ASCC3: variants seen among roughly 807,000 people sequenced by gnomAD.
ASCC3 encodes the protein ASC-1 complex subunit P200.
Under a neutral mutation model 256.3 loss-of-function variants are expected in ASCC3, and 158 were observed. The ratio of observed to expected loss-of-function variants is 0.62; its 90% CI spans 0.54 to 0.70. ASCC3 has a LOEUF of 0.70. Ranked by LOEUF, ASCC3 falls within the 30% of genes least tolerant of loss-of-function variation. ASCC3 has a pLI of 0.00. For synonymous variants in ASCC3, 948 were observed against 883.4 expected, an observed-to-expected ratio of 1.07 and a Z score of -1.30; for missense variants, 2,259 against 2,626.0, an observed-to-expected ratio of 0.86 and a Z score of 3.05.
At chr6:100,700,613 G>A (rs1477447882) in intron 13 of ASCC3, among the ~76,000 whole-genome samples, 1 of 152,226 alleles carries the variant, frequency 6.6e-6, no homozygotes. Context: ...AGCCACAGGG[G>A]TGGAGCTGCT....
At chr6:100,541,383 GA>G (rs1434352440) in intron 36 of ASCC3, among the ~76,000 whole-genome samples, 3 of 151,834 alleles carry the variant, frequency 2.0e-5, no homozygotes, top group Non-Finnish European at 4.4e-5. Context: ...CTGATATATA[GA>G]AAACAAACTA....
At position 100,718,348 on chromosome 6, in the gene ASCC3, G is replaced by C; in HGVS notation, c.1903-97C>G. 4.0e-6 allele frequency: 4 copies of C among 1,006,446 alleles called. No individual in the cohort carries two copies. The South Asian group carries it at 5.1e-5, about 13-fold the overall frequency. 62.3% of individuals were successfully genotyped at this position (1,006,446 alleles called of 1,614,324 possible). Reference sequence around the variant, plus strand: ...ATTAATAGGACTTCTAAAAACTCTAGACAGAGATGAGTGTAGAGGTCAATT... The same window carrying C: ...ATTAATAGGACTTCTAAAAACTCTACACAGAGATGAGTGTAGAGGTCAATT... On this transcript the variant is annotated intron_variant, in intron 11 of 41. Transcript: ENST00000369162.
At chr6:100,756,316 A>G (rs1002908409) in intron 10 of ASCC3, among the ~76,000 whole-genome samples, 2 of 151,968 alleles carry the variant, frequency 1.3e-5, no homozygotes, top group East Asian at 3.9e-4. Context: ...TCTTCCTTAG[A>G]GGTAATGTAT....
intron 8 of ASCC3, among the ~76,000 whole-genome samples, chr6:100,788,236 A>T (rs1036643525): frequency 6.6e-6 from 1 of 152,012 alleles, no homozygotes; most frequent in Non-Finnish European, 1.5e-5. Flanking sequence ...ATTAGTCATT[A>T]AGGAAATGCA....
chr6:100,737,601 TACC>T lies in ASCC3; in HGVS notation c.1738-11901_1738-11899del, dbSNP rs537011331. On this transcript the variant is annotated intron_variant, in intron 10 of 41. Transcript: ENST00000369162. ...TGCACAGTATTCCATGGTGTACAGA[TACC>T]ACATTTTCTTTATCCAGTCTATCAT... is the stretch of plus-strand genomic sequence containing the variant. Among the ~76,000 whole-genome samples the T allele has an allele frequency of 5.3e-5, 8 of 152,334 alleles. No homozygotes were observed. The East Asian group carries it at 1.2e-3, about 22-fold the overall frequency.
At chr6:100,831,685 C>G (rs762722419) in intron 4 of ASCC3, among the ~76,000 whole-genome samples, 1 of 152,046 alleles carries the variant, frequency 6.6e-6, no homozygotes, top group Non-Finnish European at 1.5e-5. Flanking sequence ...AAGGGGGAAG[C>G]TTCAAATTAA....
intron 36 of ASCC3, among the ~76,000 whole-genome samples, chr6:100,552,568 C>T (rs1769351283): frequency 1.3e-5 from 2 of 151,946 alleles, no homozygotes; most frequent in Admixed American, 1.3e-4. Flanking sequence ...AGTCTCCAAT[C>T]TCCAATTAGG....
At chr6:100,637,303 C>T (rs545068765) in intron 25 of ASCC3, among the ~76,000 whole-genome samples, 2 of 152,272 alleles carry the variant, frequency 1.3e-5, no homozygotes, top group Admixed American at 6.5e-5. Flanking sequence ...AGCATATCTA[C>T]TAAACAGCAT....
chr6:100,844,444 G>A (rs529944297), intron 4 of ASCC3, among the ~76,000 whole-genome samples: 1 of 151,942 alleles, frequency 6.6e-6, no homozygotes, highest in South Asian at 2.1e-4. Flanking sequence ...AAGTCCATTA[G>A]TTATACCATT....
rs541308105 is a variant in ASCC3, at chr6:100,681,886, G to A, written c.2152-2134C>T. 2.0e-5 allele frequency among the ~76,000 whole-genome samples: 3 copies of A among 151,936 alleles called. No homozygotes were observed. In the East Asian group the frequency reaches 5.8e-4, roughly 29 times the overall value. ...TTTGATAGGCTCTCTAGCTTTCATGGGCAAACATCTTTACTTCATAGGATG... is the reference window on the plus strand; with the variant it reads ...TTTGATAGGCTCTCTAGCTTTCATGAGCAAACATCTTTACTTCATAGGATG... On this transcript the variant is annotated intron_variant, in intron 13 of 41. Coordinates refer to ENST00000369162, the MANE Select transcript of ASCC3 (RefSeq NM_006828.4).
At chr6:100,743,707 A>T (rs765460097) in intron 10 of ASCC3, among the ~76,000 whole-genome samples, 21 of 152,228 alleles carry the variant, frequency 1.4e-4, no homozygotes, top group Non-Finnish European at 2.1e-4. Context: ...TATATTATGA[A>T]GGTTTAATGA....
In ASCC3 at chr6:100,647,112, C is replaced by T. The variant is rs181819891; in HGVS notation, c.3478+114G>A. 403 of 1,000,382 alleles carry T rather than the reference C, an allele frequency of 4.0e-4. 3 individuals carry two copies. In the East Asian group the frequency reaches 7.8e-3, roughly 19 times the overall value. 62.0% of individuals were successfully genotyped at this position (1,000,382 alleles called of 1,614,324 possible). A position where few individuals can be genotyped will look rare whatever the true frequency, so the allele number is the denominator to read the frequency against. Reference sequence around the variant, plus strand: ...GATAAATGAAAAAGATTTATAAATACGGTAAAATTTTTATTTTGATTAATG... The same window carrying T: ...GATAAATGAAAAAGATTTATAAATATGGTAAAATTTTTATTTTGATTAATG... On this transcript the variant is annotated intron_variant, in intron 21 of 41. Coordinates refer to ENST00000369162, the MANE Select transcript of ASCC3 (RefSeq NM_006828.4).
chr6:100,865,764 G>A (rs1044225213), intron 2 of ASCC3, among the ~76,000 whole-genome samples: 4 of 151,890 alleles, frequency 2.6e-5, no homozygotes, highest in Middle Eastern at 3.2e-3. Context: ...CAAAAAAAAG[G>A]GCCAGTTACT....
chr6:100,752,695 C>A (rs1443280281), intron 10 of ASCC3, among the ~76,000 whole-genome samples: 2 of 152,072 alleles, frequency 1.3e-5, no homozygotes, highest in Non-Finnish European at 2.9e-5. Flanking sequence ...ATGAGCCAAT[C>A]AAAATTTATG....
At chr6:100,676,763 C>CA (rs1491351385) in intron 14 of ASCC3, among the ~76,000 whole-genome samples, 1 of 28,688 alleles carries the variant, frequency 3.5e-5, no homozygotes, top group African/African-American at 1.6e-4. Flanking sequence ...CACACACACT[C>CA]ACACACACAC....
At chr6:100,800,642 T>C in intron 5 of ASCC3, 138 bp from the exon 6 acceptor site, 3 of 705,930 alleles carry the variant, frequency 4.2e-6, no homozygotes, top group Non-Finnish European at 7.1e-6. Context: ...AATTCAATTA[T>C]ATGTTTTAAG....
intron 36 of ASCC3, among the ~76,000 whole-genome samples, chr6:100,565,129 T>C (rs1213835156): frequency 6.6e-6 from 1 of 152,198 alleles, no homozygotes; most frequent in African/African-American, 2.4e-5. Flanking sequence ...CTGGATTAAA[T>C]TGACCAGAGC....
intron 10 of ASCC3, among the ~76,000 whole-genome samples, chr6:100,740,110 C>G (rs1007783620): frequency 2.0e-5 from 3 of 152,062 alleles, no homozygotes; most frequent in African/African-American, 4.8e-5. Context: ...TCACTGTATC[C>G]CAGAGATTCT....
intron 8 of ASCC3, among the ~76,000 whole-genome samples, chr6:100,779,528 C>A (rs1253560909): frequency 6.6e-6 from 1 of 152,134 alleles, no homozygotes; most frequent in African/African-American, 2.4e-5. Flanking sequence ...TGAGGATAAA[C>A]CTAATTTATA....
Sources: gnomAD v4.1 joint callset for allele counts (sites outside exome capture counted in the v4.1 genomes callset) on GRCh38, gnomAD v4.1.1 for gene constraint, MANE v1.5 for transcripts, NCBI Gene and HGNC (gene_info 2026-07-23, HGNC 2026-07-21) for gene names.